LMNTD1: variants seen among roughly 807,000 people sequenced by gnomAD.
The protein encoded by LMNTD1 is lamin tail domain-containing protein 1.
Under a neutral mutation model 50.9 loss-of-function variants are expected in LMNTD1, and 35 were observed. The ratio of observed to expected loss-of-function variants is 0.69; its 90% CI spans 0.53 to 0.91. LMNTD1 has a LOEUF of 0.91. LMNTD1 is among the 40% of genes least tolerant of loss of function. The pLI, the probability that LMNTD1 is intolerant of heterozygous loss-of-function variation, is 0.00. For missense variants in LMNTD1, 470 were observed against 475.5 expected (o/e 0.99, Z 0.11); for synonymous variants, 153 against 161.9 (o/e 0.94, Z 0.42).
rs979575960 is a variant in LMNTD1, at chr12:25,481,654, T to C, written c.*23-5194A>G. On this transcript the variant is annotated intron_variant, in intron 9 of 9. Coordinates refer to ENST00000458174, the MANE Select transcript of LMNTD1 (RefSeq NM_001145728.2). The stretch of plus-strand genomic sequence containing the variant: ...TGGTGATTTGAAATCAGGATCGTTC[T>C]GTAAAACATAGAACTTATCACTGCT... Among the ~76,000 whole-genome samples the C allele has an allele frequency of 1.1e-4, 16 of 151,748 alleles. 1 individual carries two copies. The highest frequency in any genetic ancestry group is 3.9e-4 in the Admixed American group (6 of 15,202).
At chr12:25,587,518 C>G (rs781231135) in intron 1 of LMNTD1, among the ~76,000 whole-genome samples, 1 of 152,296 alleles carries the variant, frequency 6.6e-6, no homozygotes, top group Non-Finnish European at 1.5e-5. Flanking sequence ...AACTCACTCA[C>G]TCTTGTGAGG....
chr12:25,575,270 C>T (rs1361105228), intron 1 of LMNTD1, among the ~76,000 whole-genome samples: 1 of 152,114 alleles, frequency 6.6e-6, no homozygotes, highest in Non-Finnish European at 1.5e-5. Context: ...TAAAAATCTC[C>T]TCTGAGATTT....
chr12:25,549,662 A>G, intron 2 of LMNTD1, 116 bp from the exon 3 acceptor site: 1 of 488,288 alleles, frequency 2.0e-6, no homozygotes, highest in Non-Finnish European at 3.5e-6. Context: ...GGTAATATGC[A>G]TCCAACACAA....
chr12:25,524,935 G>T (rs1390803823), intron 6 of LMNTD1, among the ~76,000 whole-genome samples: 3 of 152,050 alleles, frequency 2.0e-5, no homozygotes, highest in African/African-American at 4.8e-5. Flanking sequence ...GACAGTAAAT[G>T]GCTCTTAAGA....
intron 1 of LMNTD1, among the ~76,000 whole-genome samples, chr12:25,600,999 C>T (rs960169588): frequency 4.0e-5 from 6 of 151,874 alleles, no homozygotes; most frequent in African/African-American, 9.7e-5. Flanking sequence ...ATCTGCACCC[C>T]CATGTATGTT....
chr12:25,567,582 G>C (rs964318786), intron 1 of LMNTD1, among the ~76,000 whole-genome samples: 1 of 152,140 alleles, frequency 6.6e-6, no homozygotes. Context: ...CATGGGGATT[G>C]GTCCCTCGTG....
rs552987295 is a variant in LMNTD1 at position 25,581,161 on chromosome 12, T to A, written c.59-34607A>T. Among the ~76,000 whole-genome samples, 14 of 152,016 alleles carry A rather than the reference T, an allele frequency of 9.2e-5. No individual in the cohort carries two copies. In the East Asian group the frequency reaches 2.7e-3, roughly 30 times the overall value. ...ATCACAATGGACTGCATGCCTATTA[T>A]TATGAGCCAGTGCTGACTGTGCTGC... On this transcript the variant is annotated intron_variant, in intron 1 of 7. Transcript: ENST00000445693.
chr12:25,519,708 T>G, intron 7 of LMNTD1, 150 bp downstream of exon 7: 1 of 591,320 alleles, frequency 1.7e-6, no homozygotes, highest in Middle Eastern at 4.6e-4. Context: ...GTGCTTTTCC[T>G]ATGAGTTCTA....
chr12:25,515,328 T>C (rs1245170503), intron 8 of LMNTD1, among the ~76,000 whole-genome samples: 1 of 152,096 alleles, frequency 6.6e-6, no homozygotes, highest in Non-Finnish European at 1.5e-5. Context: ...TTAAAGTGAC[T>C]GAATTAGGTC....
At chr12:25,605,532 AAGGGATCC>A (rs1265737752) in intron 1 of LMNTD1, among the ~76,000 whole-genome samples, 4 of 152,168 alleles carry the variant, frequency 2.6e-5, no homozygotes, top group Admixed American at 2.6e-4. Flanking sequence ...AGGTGTAAGG[AAGGGATCC>A]AGTTTCAGCT....
At chr12:25,608,399 G>A (rs531174057) in intron 1 of LMNTD1, among the ~76,000 whole-genome samples, 12 of 152,048 alleles carry the variant, frequency 7.9e-5, no homozygotes, top group African/African-American at 1.2e-4. Flanking sequence ...TTATTTTGCC[G>A]GTTACTTTAT....
At chr12:25,495,283 T>C (rs2135924448) in intron 9 of LMNTD1, among the ~76,000 whole-genome samples, 1 of 150,518 alleles carries the variant, frequency 6.6e-6, no homozygotes, top group African/African-American at 2.4e-5. Context: ...TGTGTGTGTG[T>C]AGGCAGGATA....
intron 1 of LMNTD1, among the ~76,000 whole-genome samples, chr12:25,559,925 G>T (rs1315600307): frequency 6.6e-6 from 1 of 152,126 alleles, no homozygotes; most frequent in East Asian, 1.9e-4. Flanking sequence ...TAAGTTCTTT[G>T]TAGATTCTGG....
chr12:25,512,866 G>A (rs1439233371), intron 8 of LMNTD1, among the ~76,000 whole-genome samples: 10 of 143,606 alleles, frequency 7.0e-5, no homozygotes. Context: ...TTTTTTTATG[G>A]GGGGGGGCTT....
At chr12:25,610,519 G>C (rs1356686415) in intron 1 of LMNTD1, among the ~76,000 whole-genome samples, 1 of 152,126 alleles carries the variant, frequency 6.6e-6, no homozygotes, top group Admixed American at 6.5e-5. Flanking sequence ...ACAACACAAG[G>C]CTATTAATGT....
chr12:25,602,458 T>G (rs1225625593), intron 1 of LMNTD1, among the ~76,000 whole-genome samples: 1 of 151,926 alleles, frequency 6.6e-6, no homozygotes, highest in Non-Finnish European at 1.5e-5. Context: ...GGGAAATAAT[T>G]GATTTTTTGT....
At chr12:25,476,706 G>A (rs1478867688) in intron 9 of LMNTD1, among the ~76,000 whole-genome samples, 2 of 152,122 alleles carry the variant, frequency 1.3e-5, no homozygotes, top group African/African-American at 2.4e-5. Context: ...GGATTTCTAT[G>A]ATTTTCCCCA....
chr12:25,532,636 T>C (rs1451481653), intron 4 of LMNTD1, among the ~76,000 whole-genome samples: 3 of 152,160 alleles, frequency 2.0e-5, no homozygotes, highest in Non-Finnish European at 4.4e-5. Flanking sequence ...CATTATCAAA[T>C]TCCCTTCAAA....
chr12:25,586,998 G>A (rs562439882), intron 1 of LMNTD1, among the ~76,000 whole-genome samples: 1 of 152,150 alleles, frequency 6.6e-6, no homozygotes, highest in Non-Finnish European at 1.5e-5. Context: ...TGAACCACAT[G>A]TAGTTCACTT....
Sources: gnomAD v4.1 joint callset for allele counts (sites outside exome capture counted in the v4.1 genomes callset) on GRCh38, gnomAD v4.1.1 for gene constraint, MANE v1.5 for transcripts, NCBI Gene and HGNC (gene_info 2026-07-23, HGNC 2026-07-21) for gene names.